The following FAM234A variants were observed in gnomAD, a reference collection of about 807,000 sequenced individuals.
FAM234A encodes the protein family with sequence similarity 234 member A.
FAM234A carries 42 observed loss-of-function variants against 49.1 expected under a neutral mutation model. That is an observed-to-expected ratio of 0.86 (90% CI 0.67 to 1.11). FAM234A has a LOEUF of 1.11. Ranked by LOEUF, FAM234A falls within the 50% of genes least tolerant of loss-of-function variation. The pLI, the probability that FAM234A is intolerant of heterozygous loss-of-function variation, is 0.00. For missense variants in FAM234A, 815 were observed against 745.2 expected (o/e 1.09, Z -1.09); for synonymous variants, 369 against 316.2 (o/e 1.17, Z -1.77).
chr16:235,378 G>T (rs2031589933), intron 1 of FAM234A, among the ~76,000 whole-genome samples: 2 of 152,208 alleles, frequency 1.3e-5, no homozygotes, highest in Admixed American at 1.3e-4. Flanking sequence ...AGCTCCCCGA[G>T]CGCAGCCGAG....
At position 266,065 on chromosome 16, in the gene FAM234A, G is replaced by C. The variant is rs2051684932; in HGVS notation, c.*1043G>C. On this transcript the variant is annotated 3_prime_UTR_variant, in exon 13 of 13. Transcript: ENST00000399932. Reference sequence around the variant, plus strand: ...GATGACCCACCCACCAAGGAAGAAAGCAGAATAAACATTTTTGCACTGCCT... The same window carrying C: ...GATGACCCACCCACCAAGGAAGAAACCAGAATAAACATTTTTGCACTGCCT... 1.0e-6 allele frequency: 1 copy of C among 986,042 alleles called. No homozygotes were observed. The highest frequency in any genetic ancestry group is 1.2e-6 in the Non-Finnish European group (1 of 830,112). 61.1% of individuals were successfully genotyped at this position (986,042 alleles called of 1,614,324 possible).
intron 8 of FAM234A, among the ~76,000 whole-genome samples, chr16:262,806 G>GTT (rs762650673): frequency 3.8e-5 from 5 of 130,608 alleles, no homozygotes; most frequent in African/African-American, 8.3e-5. Context: ...TCTCTTTTCT[G>GTT]TTTTTTTTTT....
intron 2 of FAM234A, among the ~76,000 whole-genome samples, chr16:251,798 T>C (rs544622903): frequency 1.6e-4 from 23 of 145,924 alleles, no homozygotes; most frequent in Admixed American, 3.5e-4. Flanking sequence ...GGTCAGGAGA[T>C]CGAGACCATC....
intron 2 of FAM234A, among the ~76,000 whole-genome samples, chr16:251,650 T>TACAG (rs1567215245): frequency 6.7e-6 from 1 of 149,220 alleles, no homozygotes; most frequent in East Asian, 2.0e-4. Context: ...GTGCTGCGAT[T>TACAG]ACAGGCATAA....
chr16:255,747 G>A (rs369538757), intron 3 of FAM234A, among the ~76,000 whole-genome samples: 5 of 152,140 alleles, frequency 3.3e-5, no homozygotes, highest in South Asian at 4.2e-4. Flanking sequence ...CATCTCAACC[G>A]CCACCTCCCA....
intron 1 of FAM234A, among the ~76,000 whole-genome samples, chr16:248,767 C>T: frequency 6.6e-6 from 1 of 151,674 alleles, no homozygotes; most frequent in East Asian, 1.9e-4. Context: ...ACTATAGGTG[C>T]CCACCACCAC....
chr16:254,112 AAGCACC>A (rs2051130455), intron 2 of FAM234A: 3 of 397,034 alleles, frequency 7.6e-6, no homozygotes, highest in Non-Finnish European at 1.4e-5. Context: ...GGCAGGCAGG[AAGCACC>A]AGCGTGTTCT....
intron 3 of FAM234A, among the ~76,000 whole-genome samples, chr16:256,184 C>G (rs1427164067): frequency 6.6e-6 from 1 of 151,822 alleles, no homozygotes; most frequent in Non-Finnish European, 1.5e-5. Context: ...TGCAGATCTT[C>G]GTGTGGATAT....
At chr16:260,608 C>T (rs201756655) in intron 5 of FAM234A, 5 of 474,252 alleles carry the variant, frequency 1.1e-5, no homozygotes, top group Middle Eastern at 3.2e-4. Flanking sequence ...CCAGCGGAGC[C>T]GGCCTCGTGG....
downstream of FAM234A, chr16:268,244 C>G (rs3743876): frequency 4.7e-6 from 1 of 210,796 alleles, no homozygotes; most frequent in African/African-American, 2.3e-5. Context: ...ATGCCTCATA[C>G]GCACACACAC....
Position 264,842 on chromosome 16 carries a change from C to T in FAM234A, c.1479C>T (p.Ala493=). 1 of 1,611,718 alleles carries T rather than the reference C, an allele frequency of 6.2e-7. No homozygotes were observed. Among genetic ancestry groups the T allele is most frequent in the East Asian group, 2.2e-5 (1 of 44,866 alleles). Residue 493 remains alanine, a synonymous_variant, in exon 13 of 13, where the codon GCC becomes GCT. Transcript: ENST00000399932. The part of the protein sequence containing the change: ...AVLFEPSRHA[A]YILLTGPADS... ...TGTTTGAGCCAAGCCGCCACGCCGC[C>T]TACATCCTTCTGACAGGCCCGGCAG...
At position 264,924 on chromosome 16, in the gene FAM234A, C is replaced by T. The variant is rs779621140; in HGVS notation, c.1561C>T (p.Pro521Ser). The change falls in exon 13 of 13, where the codon CCA becomes TCA. Residue 521 changes from proline to serine, a missense_variant. Coordinates refer to ENST00000399932, the MANE Select transcript of FAM234A (RefSeq NM_032039.4). ...CAAGCACAAGGTGCGGGACCTTGTC[C>T]CAAGCAGCAGGGTGGTCCGCCTGGG... ...VIKHKVRDLV[P>S]SSRVVRLGEG... 6.2e-7 allele frequency: 1 copy of T among 1,613,034 alleles called. No individual in the cohort carries two copies. The highest frequency in any genetic ancestry group is 8.5e-7 in the Non-Finnish European group (1 of 1,179,868).
chr16:254,667 A>G lies in FAM234A; in HGVS notation c.254A>G (p.Asp85Gly), dbSNP rs754277228. 6.2e-7 allele frequency: 1 copy of G among 1,613,420 alleles called. No individual in the cohort carries two copies. Among genetic ancestry groups the G allele is most frequent in the Admixed American group, 1.7e-5 (1 of 59,942 alleles). ...GCGTCACAGCGAATGTGGAGGATAG[A>G]CTACAGTGCCGCTGGTGAGCCTCGG... ...RPASQRMWRI[D>G]YSAAVIYDFL... is the part of the protein sequence containing the mutation. The change falls in exon 3 of 13, where the codon GAC (aspartate) becomes GGC (glycine). Residue 85 changes from aspartate to glycine, a missense_variant. Transcript: ENST00000399932.
intron 1 of FAM234A, among the ~76,000 whole-genome samples, chr16:235,145 C>T (rs2050355022): frequency 1.3e-5 from 2 of 152,260 alleles, no homozygotes; most frequent in African/African-American, 2.4e-5. Context: ...AACAAGCCCA[C>T]ATGTTCCTCA....
chr16:246,673 C>G (rs2050821162), intron 1 of FAM234A, among the ~76,000 whole-genome samples: 1 of 151,460 alleles, frequency 6.6e-6, no homozygotes, highest in Non-Finnish European at 1.5e-5. Flanking sequence ...CCCGCTTTGG[C>G]CTCCTAAAGT....
chr16:241,029 G>T (rs2050593307), intron 1 of FAM234A, among the ~76,000 whole-genome samples: 1 of 151,812 alleles, frequency 6.6e-6, no homozygotes, highest in South Asian at 2.1e-4. Flanking sequence ...CAGGCTCAAG[G>T]GAACCTCAGT....
chr16:256,077 C>G (rs2051219916), intron 3 of FAM234A, among the ~76,000 whole-genome samples: 1 of 152,206 alleles, frequency 6.6e-6, no homozygotes, highest in Non-Finnish European at 1.5e-5. Context: ...CTGTGTCTTT[C>G]CGTTGCTGAG....
chr16:263,923 C>T, intron 10 of FAM234A, 93 bp from the exon 11 acceptor site: 4 of 1,460,460 alleles, frequency 2.7e-6, no homozygotes, highest in Admixed American at 3.5e-5. Flanking sequence ...GCCTCCAGGG[C>T]TGGCATGGCT....
downstream of FAM234A, chr16:269,656 C>T: frequency 1.6e-6 from 2 of 1,239,292 alleles, no homozygotes; most frequent in Non-Finnish European, 2.3e-6. Context: ...CCCGAAGGAG[C>T]AGCCAAACAT....
Sources: gnomAD v4.1 joint callset for allele counts (sites outside exome capture counted in the v4.1 genomes callset) on GRCh38, gnomAD v4.1.1 for gene constraint, MANE v1.5 for transcripts, NCBI Gene and HGNC (gene_info 2026-07-23, HGNC 2026-07-21) for gene names.